UBTD1: variants seen among roughly 807,000 people sequenced by gnomAD.
The protein encoded by UBTD1 is ubiquitin domain-containing protein 1.
Under a neutral mutation model 21.7 loss-of-function variants are expected in UBTD1, and 19 were observed. The ratio of observed to expected loss-of-function variants is 0.87; its 90% confidence interval spans 0.61 to 1.28. The LOEUF is 1.28. Among genes scored for constraint, UBTD1 ranks in the 50% most tolerant of loss-of-function variants. The pLI is 0.00. For synonymous variants in UBTD1, 116 were observed against 135.1 expected (o/e 0.86, Z 0.98); for missense variants, 282 against 315.1 (o/e 0.89, Z 0.80).
chr10:97,526,341 G>A (rs927969749), intron 1 of UBTD1, among the ~76,000 whole-genome samples: 15 of 152,136 alleles, frequency 9.9e-5, no homozygotes, highest in African/African-American at 2.9e-4. Context: ...GAATGAAGCC[G>A]AAGTGTGTGC....
chr10:97,536,103 C>T (rs1212041106), intron 1 of UBTD1, among the ~76,000 whole-genome samples: 1 of 151,804 alleles, frequency 6.6e-6, no homozygotes, highest in African/African-American at 2.4e-5. Context: ...AGCGATTCTC[C>T]TGCCTCAGCC....
At chr10:97,500,770 C>T (rs2040372735) in intron 1 of UBTD1, among the ~76,000 whole-genome samples, 4 of 152,156 alleles carry the variant, frequency 2.6e-5, no homozygotes, top group Admixed American at 6.5e-5. Context: ...TCATTACACT[C>T]TCTCCCAGAG....
intron 1 of UBTD1, among the ~76,000 whole-genome samples, chr10:97,507,012 C>G (rs2040402209): frequency 6.6e-6 from 1 of 152,208 alleles, no homozygotes; most frequent in Non-Finnish European, 1.5e-5. Flanking sequence ...CTCTGAGTCT[C>G]TGCTTTCAGT....
At chr10:97,529,043 TCAGA>T (rs2040510731) in intron 1 of UBTD1, among the ~76,000 whole-genome samples, 1 of 147,626 alleles carries the variant, frequency 6.8e-6, no homozygotes, top group Non-Finnish European at 1.5e-5. Context: ...TCCTCACTTC[TCAGA>T]CAGGGTGGCC....
At chr10:97,510,330 T>C (rs182173792) in intron 1 of UBTD1, among the ~76,000 whole-genome samples, 276 of 152,364 alleles carry the variant, frequency 1.8e-3, no homozygotes, top group Non-Finnish European at 3.1e-3. Flanking sequence ...ATAGTTTTCC[T>C]TTGGTGACAG....
chr10:97,567,300 C>T (rs576784651), intron 1 of UBTD1, among the ~76,000 whole-genome samples: 3 of 149,886 alleles, frequency 2.0e-5, no homozygotes, highest in East Asian at 4.1e-4. Flanking sequence ...CTAGAACTGC[C>T]GGGCTCAAGC....
At position 97,570,743 on chromosome 10, in the gene UBTD1, A is replaced by G; in HGVS notation, c.*220A>G. ...CGGGCCTTGCAACCTTGTCAGAGAAAAGGCGAACAGGGCCCTCACCCTGCC... is the reference window on the plus strand; with the variant it reads ...CGGGCCTTGCAACCTTGTCAGAGAAGAGGCGAACAGGGCCCTCACCCTGCC... On this transcript the variant is annotated 3_prime_UTR_variant, in exon 3 of 3. Coordinates refer to ENST00000370664, the MANE Select transcript of UBTD1 (RefSeq NM_024954.5). This position sits in a 1 kb window ranked among gnomAD's most constrained non-coding sequence, Gnocchi z 6.6. The G allele has an allele frequency of 1.8e-6, 1 of 571,074 alleles. No individual in the cohort carries two copies. The highest frequency in any genetic ancestry group is 3.0e-6 in the Non-Finnish European group (1 of 332,180). 35.4% of individuals were successfully genotyped at this position (571,074 alleles called of 1,614,324 possible). A position where few individuals can be genotyped will look rare whatever the true frequency, so the allele number is the denominator to read the frequency against.
intron 1 of UBTD1, among the ~76,000 whole-genome samples, chr10:97,531,315 A>G (rs183597784): frequency 6.6e-6 from 1 of 150,454 alleles, no homozygotes; most frequent in African/African-American, 2.5e-5. Context: ...GGCTCAAGTG[A>G]TCCTCCTGCC....
At chr10:97,526,979 C>T (rs1162614504) in intron 1 of UBTD1, among the ~76,000 whole-genome samples, 1 of 151,936 alleles carries the variant, frequency 6.6e-6, no homozygotes. Flanking sequence ...CAAGACCAGC[C>T]TGGGCAACAT....
chr10:97,511,210 T>G (rs1054725531), intron 1 of UBTD1, among the ~76,000 whole-genome samples: 3 of 152,208 alleles, frequency 2.0e-5, no homozygotes, highest in Admixed American at 2.0e-4. Context: ...GCACACTGAT[T>G]GTGCAGTAGG....
intron 1 of UBTD1, among the ~76,000 whole-genome samples, chr10:97,531,076 ACGGGGTTT>A (rs1213277270): frequency 7.2e-4 from 109 of 151,500 alleles, no homozygotes; most frequent in African/African-American, 2.5e-3. Context: ...TTTAGTAGAG[ACGGGGTTT>A]CACCTTGTTA....
At chr10:97,528,797 G>A (rs1208728193) in intron 1 of UBTD1, among the ~76,000 whole-genome samples, 1 of 141,220 alleles carries the variant, frequency 7.1e-6, no homozygotes, top group African/African-American at 2.6e-5. Flanking sequence ...CCTCCCGGAC[G>A]GGGCGGCTGG....
At chr10:97,502,879 A>G (rs143423972) in intron 1 of UBTD1, among the ~76,000 whole-genome samples, 162 of 116,562 alleles carry the variant, frequency 1.4e-3, no homozygotes, top group African/African-American at 5.1e-3. Flanking sequence ...ATATATGTAT[A>G]TATATACGTA....
intron 1 of UBTD1, among the ~76,000 whole-genome samples, chr10:97,502,621 C>T (rs2040380919): frequency 6.6e-6 from 1 of 152,144 alleles, no homozygotes; most frequent in Non-Finnish European, 1.5e-5. Context: ...TTATCATCTT[C>T]ACAAAGGCAG....
chr10:97,550,458 G>A (rs1225121173), intron 1 of UBTD1, among the ~76,000 whole-genome samples: 1 of 152,086 alleles, frequency 6.6e-6, no homozygotes, highest in East Asian at 1.9e-4. Context: ...AATTGAAGGA[G>A]GGGCCAGCCC....
At position 97,570,650 on chromosome 10, in the gene UBTD1, A is replaced by G; in HGVS notation, c.*127A>G. 1 of 1,231,468 alleles carries G rather than the reference A, an allele frequency of 8.1e-7. No homozygotes were observed. Among genetic ancestry groups the G allele is most frequent in the Non-Finnish European group, 1.1e-6 (1 of 888,300 alleles). 76.3% of individuals were successfully genotyped at this position (1,231,468 alleles called of 1,614,324 possible). ...GGTGTGGCTGGTGGGTGAGCCGTGA[A>G]GGGACCCTGCCTTTCAGGGCACTAC... On this transcript the variant is annotated 3_prime_UTR_variant, in exon 3 of 3. Transcript: ENST00000370664. This position sits in a 1 kb window ranked among gnomAD's most constrained non-coding sequence, Gnocchi z 6.6.
chr10:97,499,410 GGGGGCCGC>G, intron 1 of UBTD1, 137 bp downstream of exon 1: 1 of 1,157,600 alleles, frequency 8.6e-7, no homozygotes, highest in Non-Finnish European at 1.2e-6. Context: ...CGCAGCCAGA[GGGGGCCGC>G]TCCCCAGCGC....
chr10:97,546,901 C>G (rs772617121), intron 1 of UBTD1, among the ~76,000 whole-genome samples: 3 of 148,930 alleles, frequency 2.0e-5, no homozygotes, highest in Non-Finnish European at 3.0e-5. Flanking sequence ...CACACACACA[C>G]TCTCTCTCTC....
chr10:97,501,758 G>A (rs559418195), intron 1 of UBTD1, among the ~76,000 whole-genome samples: 36 of 152,124 alleles, frequency 2.4e-4, no homozygotes, highest in Admixed American at 1.2e-3. Flanking sequence ...GTGTTTGCTC[G>A]TGCCATTTCC....
Sources: gnomAD v4.1 joint callset for allele counts (sites outside exome capture counted in the v4.1 genomes callset) on GRCh38, gnomAD v4.1.1 for gene constraint, Gnocchi (gnomAD v3.1) non-coding constraint, MANE v1.5 for transcripts, NCBI Gene and HGNC (gene_info 2026-07-23, HGNC 2026-07-21) for gene names.